Variants in KIF2A observed in about 807,000 individuals in gnomAD.
KIF2A encodes the protein kinesin family member 2A.
Under a neutral mutation model 100.2 loss-of-function variants are expected in KIF2A, and 22 were observed. The ratio of observed to expected loss-of-function variants is 0.22; its 90% confidence interval spans 0.16 to 0.31. The LOEUF (loss-of-function observed/expected upper bound fraction) is 0.31. Among genes scored for constraint, KIF2A ranks in the 10% least tolerant of loss-of-function variants. The pLI, the probability that KIF2A is intolerant of heterozygous loss-of-function variation, is 1.00. For missense variants in KIF2A, 495 were observed against 898.7 expected (o/e 0.55, Z 5.74); for synonymous variants, 268 against 285.9 (o/e 0.94, Z 0.63).
Position 62,362,485 on chromosome 5 carries a change from T to C in KIF2A, c.1063T>C (p.Tyr355His). Residue 355 changes from tyrosine (Y) to histidine (H), a missense_variant, in exon 12 of 21, where the codon TAT becomes CAT. Tyr to His is a moderately conservative substitution (Grantham distance 83). Around this residue, in one of 10 missense-constraint regions of KIF2A, gnomAD observed 22 missense variants for 19.3 expected, o/e 1.14. Transcript: ENST00000407818. ...CTTTTTAATGCTAAAGAAGCCAAACTATAAGAAGCTAGAACTTCAAGTATA... is the reference window on the plus strand; with the variant it reads ...CTTTTTAATGCTAAAGAAGCCAAACCATAAGAAGCTAGAACTTCAAGTATA... ...DVFLMLKKPNYKKLELQVYAT... is the reference protein window; with the variant it reads ...DVFLMLKKPNHKKLELQVYAT... 1 of 1,466,354 alleles carries C rather than the reference T, an allele frequency of 6.8e-7. No individual in the cohort carries two copies. The highest frequency in any genetic ancestry group is 9.0e-7 in the Non-Finnish European group (1 of 1,110,932). The allele number at this position is 1,466,354 out of a possible 1,614,324, so 90.8% of individuals were successfully genotyped here. A position where few individuals can be genotyped will look rare whatever the true frequency, so the allele number is the denominator to read the frequency against.
chr5:62,388,771 C>G lies in KIF2A; in HGVS notation c.*3202C>G. 1 of 529,584 alleles carries G rather than the reference C, an allele frequency of 1.9e-6. No individual in the cohort carries two copies. Among genetic ancestry groups the G allele is most frequent in the Non-Finnish European group, 3.4e-6 (1 of 295,996 alleles). The allele number at this position is 529,584 out of a possible 1,614,324, so 32.8% of individuals were successfully genotyped here. On this transcript the variant is annotated 3_prime_UTR_variant, in exon 21 of 21. Transcript: ENST00000407818. Reference sequence around the variant, plus strand: ...TGTAAAGTTGTGCGTCTCTGCGGCTCCTGAACTTGAAGATTATTATGAATA... The same window carrying G: ...TGTAAAGTTGTGCGTCTCTGCGGCTGCTGAACTTGAAGATTATTATGAATA...
intron 1 of KIF2A, among the ~76,000 whole-genome samples, chr5:62,323,650 A>C (rs1484526838): frequency 6.6e-6 from 1 of 152,236 alleles, no homozygotes; most frequent in African/African-American, 2.4e-5. Flanking sequence ...TTGTGATAGA[A>C]GTGGCAGTGG....
At chr5:62,320,796 G>A (rs1057385874) in intron 1 of KIF2A, among the ~76,000 whole-genome samples, 4 of 148,616 alleles carry the variant, frequency 2.7e-5, no homozygotes, top group Non-Finnish European at 6.0e-5. Flanking sequence ...TAAACCTAAA[G>A]AGCCCTTTAA....
chr5:62,360,523 A>G (rs982555581), intron 9 of KIF2A, among the ~76,000 whole-genome samples: 4 of 152,004 alleles, frequency 2.6e-5, no homozygotes, highest in African/African-American at 9.7e-5. Flanking sequence ...CGTCTCTACT[A>G]AAAATACAGA....
intron 2 of KIF2A, 142 bp from the exon 3 acceptor site, chr5:62,347,906 G>T: frequency 1.3e-6 from 1 of 794,048 alleles, no homozygotes; most frequent in Non-Finnish European, 1.9e-6. Context: ...TTACAGGCAT[G>T]AGCCACTGCA....
At chr5:62,337,082 G>A (rs1177658325) in intron 1 of KIF2A, among the ~76,000 whole-genome samples, 1 of 152,168 alleles carries the variant, frequency 6.6e-6, no homozygotes, top group Non-Finnish European at 1.5e-5. Context: ...ATAACGCAAA[G>A]CAAGATGGTT....
intron 12 of KIF2A, 142 bp from the exon 13 acceptor site, chr5:62,363,036 C>G (rs2111958851): frequency 1.7e-6 from 1 of 586,732 alleles, no homozygotes; most frequent in East Asian, 3.0e-5. Context: ...CTATGTTGCC[C>G]AGGCTGGTTT....
At chr5:62,380,921 CCAAA>C (rs1280699253) in intron 19 of KIF2A, among the ~76,000 whole-genome samples, 193 bp from the exon 20 acceptor site, 1 of 152,058 alleles carries the variant, frequency 6.6e-6, no homozygotes, top group African/African-American at 2.4e-5. Context: ...ATAAGTGGAC[CCAAA>C]CAGTTTAAAC....
intron 1 of KIF2A, among the ~76,000 whole-genome samples, chr5:62,313,720 T>C (rs1274623981): frequency 2.0e-5 from 3 of 152,176 alleles, no homozygotes; most frequent in Non-Finnish European, 4.4e-5. Flanking sequence ...AAATTGGCAT[T>C]GTCATTATTA....
chr5:62,352,591 T>G lies in KIF2A; in HGVS notation c.338T>G (p.Val113Gly). The change falls in exon 5 of 21, where the codon GTT (valine) becomes GGT (glycine). Residue 113 changes from valine (V) to glycine (G), a missense_variant. Val to Gly is a moderately radical substitution (Grantham distance 109, BLOSUM62 -3). This residue lies in a region of KIF2A where 115 missense variants were observed against 143.6 expected (regional missense o/e 0.80). Transcript: ENST00000407818. ...AATTTTTTTTTTTTACTTACAGTGG[T>G]TGGTTCAGCACGTGCACGGCCCAGT... ...NDPPSRDNRV[V>G]GSARARPSQF... 1.3e-6 allele frequency: 2 copies of G among 1,547,766 alleles called. No homozygotes were observed. Among genetic ancestry groups the G allele is most frequent in the Non-Finnish European group, 1.7e-6 (2 of 1,148,018 alleles).
At chr5:62,352,518 T>C in intron 4 of KIF2A, 70 bp from the exon 5 acceptor site, 1 of 1,245,582 alleles carries the variant, frequency 8.0e-7, no homozygotes, top group Non-Finnish European at 1.1e-6. Context: ...GGGCTATCTC[T>C]TCCTTTTACT....
chr5:62,311,353 A>T (rs1406827616), intron 1 of KIF2A, among the ~76,000 whole-genome samples: 1 of 152,214 alleles, frequency 6.6e-6, no homozygotes, highest in Non-Finnish European at 1.5e-5. Flanking sequence ...GCTTGATTAG[A>T]ATGATCCCTG....
intron 1 of KIF2A, among the ~76,000 whole-genome samples, chr5:62,338,018 A>G (rs1747066030): frequency 6.6e-6 from 1 of 152,188 alleles, no homozygotes; most frequent in African/African-American, 2.4e-5. Context: ...AAAGGCCAAG[A>G]AGATCAAAGA....
intron 1 of KIF2A, among the ~76,000 whole-genome samples, chr5:62,330,414 T>C (rs755820299): frequency 1.3e-5 from 2 of 152,234 alleles, no homozygotes; most frequent in South Asian, 2.1e-4. Context: ...TCACCTGATA[T>C]GAAGTGGCAA....
In KIF2A at chr5:62,389,226, C is replaced by T. The variant is rs1160278481; in HGVS notation, c.*3657C>T. Among the ~76,000 whole-genome samples the T allele has an allele frequency of 1.3e-5, 2 of 152,138 alleles. No homozygotes were observed. The highest frequency in any genetic ancestry group is 3.9e-4 in the East Asian group (2 of 5,190). On this transcript the variant is annotated 3_prime_UTR_variant, in exon 21 of 21. Transcript: ENST00000407818. Reference sequence around the variant, plus strand: ...ACTGGCTGGGCGCAGTGGCTTATGCCTGTAATCCCAGCACTTTGGGAGGCT... The same window carrying T: ...ACTGGCTGGGCGCAGTGGCTTATGCTTGTAATCCCAGCACTTTGGGAGGCT...
intron 1 of KIF2A, among the ~76,000 whole-genome samples, chr5:62,309,193 T>A (rs1240412117): frequency 6.6e-6 from 1 of 152,204 alleles, no homozygotes; most frequent in Admixed American, 6.5e-5. Flanking sequence ...TTTCGTTCTT[T>A]TCAGCCTTCA....
At chr5:62,383,578 A>G (rs1390544769) in intron 20 of KIF2A, among the ~76,000 whole-genome samples, 1 of 152,112 alleles carries the variant, frequency 6.6e-6, no homozygotes, top group African/African-American at 2.4e-5. Context: ...TGTTCAACAC[A>G]TATATGTTGC....
chr5:62,329,988 G>T (rs1486504299), intron 1 of KIF2A, among the ~76,000 whole-genome samples: 2 of 152,208 alleles, frequency 1.3e-5, no homozygotes, highest in Non-Finnish European at 1.5e-5. Flanking sequence ...GCATTCTACA[G>T]TGGCAATTGG....
intron 1 of KIF2A, among the ~76,000 whole-genome samples, chr5:62,331,551 C>G (rs990440144): frequency 6.6e-6 from 1 of 152,126 alleles, no homozygotes; most frequent in Non-Finnish European, 1.5e-5. Flanking sequence ...AGATCGTCCA[C>G]TGTACTCCAG....
Sources: gnomAD v4.1 joint callset for allele counts (sites outside exome capture counted in the v4.1 genomes callset) on GRCh38, gnomAD v4.1.1 for gene constraint, gnomAD v4.1.1 regional missense constraint, MANE v1.5 for transcripts, NCBI Gene and HGNC (gene_info 2026-07-23, HGNC 2026-07-21) for gene names.